NRIP2: variants seen among roughly 807,000 people sequenced by gnomAD.
NRIP2 encodes the protein nuclear receptor-interacting protein 2.
In NRIP2, 27 loss-of-function variants were observed where a neutral mutation model predicts 34.1. The observed-to-expected ratio is 0.79, with a 90% confidence interval of 0.58 to 1.09. NRIP2 has a LOEUF of 1.09. Ranked by LOEUF, NRIP2 falls within the 50% of genes least tolerant of loss-of-function variation. NRIP2 has a pLI of 0.00. For synonymous variants in NRIP2, 145 were observed against 146.9 expected, an observed-to-expected ratio of 0.99 and a Z score of 0.09; for missense variants, 385 against 352.6, an observed-to-expected ratio of 1.09 and a Z score of -0.74.
Position 2,834,647 on chromosome 12 carries a change from C to A in NRIP2, c.337G>T (p.Asp113Tyr). Residue 113 changes from aspartate (D) to tyrosine (Y), a missense_variant, in exon 1 of 6, where the codon GAC becomes TAC. Coordinates refer to ENST00000337508, the MANE Select transcript of NRIP2 (RefSeq NM_031474.3). Reference protein sequence around the residue: ...DSLKRLGTSKDLQPRSVIQRR... With the variant: ...DSLKRLGTSKYLQPRSVIQRR... ...GGGGAGGGGTGATGCCTCACCAAGT[C>A]CTTGGAGGTGCCGAGCCTCTTGAGG... 1 of 1,594,768 alleles carries A rather than the reference C, an allele frequency of 6.3e-7. No homozygotes were observed. The highest frequency in any genetic ancestry group is 8.5e-7 in the Non-Finnish European group (1 of 1,170,242).
chr12:2,827,784 G>A lies in NRIP2; in HGVS notation c.701-107C>T, dbSNP rs1210536582. 2.5e-6 allele frequency: 4 copies of A among 1,605,904 alleles called. No individual in the cohort carries two copies. The highest frequency in any genetic ancestry group is 3.4e-6 in the Non-Finnish European group (4 of 1,176,554). ...CTGCCCACCCCATCCCCAGATCCGA[G>A]GACACTGGCACAGAGATGGGGGATA... On this transcript the variant is annotated intron_variant, in intron 4 of 5. Transcript: ENST00000337508. The surrounding 1 kb of genome is among the most constrained non-coding windows in gnomAD (Gnocchi z 4.0).
In NRIP2 at chr12:2,827,464, T is replaced by C. The variant is rs12814675; in HGVS notation, c.753+161A>G. On this transcript the variant is annotated intron_variant, in intron 5 of 5. Coordinates refer to ENST00000337508, the MANE Select transcript of NRIP2 (RefSeq NM_031474.3). The surrounding 1 kb of genome is among the most constrained non-coding windows in gnomAD (Gnocchi z 4.0). Reference sequence around the variant, plus strand: ...TGTTGAAGGGGGTGACCCAGTTCTCTTGATTTTTCACTTGGTGGTAAGTAA... The same window carrying C: ...TGTTGAAGGGGGTGACCCAGTTCTCCTGATTTTTCACTTGGTGGTAAGTAA... The C allele has an allele frequency of 0.045, 44,533 of 985,382 alleles. 1,412 individuals carry two copies. Among genetic ancestry groups the C allele is most frequent in the East Asian group, 0.29 (2,526 of 8,790 alleles). The allele number at this position is 985,382 out of a possible 1,614,324, so 61.0% of individuals were successfully genotyped here. A position where few individuals can be genotyped will look rare whatever the true frequency, so the allele number is the denominator to read the frequency against.
intron 2 of NRIP2, among the ~76,000 whole-genome samples, chr12:2,829,533 G>A (rs1215941525): frequency 6.6e-6 from 1 of 152,130 alleles, no homozygotes; most frequent in Non-Finnish European, 1.5e-5. Context: ...AAGCACTTTG[G>A]GAGGCCAAGG....
At chr12:2,830,572 G>A (rs2097996388) in intron 2 of NRIP2, 136 bp downstream of exon 2, 3 of 913,700 alleles carry the variant, frequency 3.3e-6, no homozygotes, top group Non-Finnish European at 3.3e-6. Flanking sequence ...GAGGATCCTG[G>A]TTAGGTCCAG....
In NRIP2 at chr12:2,827,323, C is replaced by G; in HGVS notation, c.754-24G>C. The G allele has an allele frequency of 6.2e-7, 1 of 1,602,968 alleles. No individual in the cohort carries two copies. Among genetic ancestry groups the G allele is most frequent in the South Asian group, 1.1e-5 (1 of 89,760 alleles). ...CACTGCGGGGTGTAGAGCAGTCATG[C>G]CAGGTCACCTCAGCCCGCCACCTGC... On this transcript the variant is annotated intron_variant, in intron 5 of 5. Transcript: ENST00000337508. The surrounding 1 kb of genome is among the most constrained non-coding windows in gnomAD (Gnocchi z 4.0).
chr12:2,830,784 T>A lies in NRIP2; in HGVS notation c.419A>T (p.Gln140Leu). The A allele has an allele frequency of 6.2e-7, 1 of 1,613,968 alleles. No individual in the cohort carries two copies. Among genetic ancestry groups the A allele is most frequent in the Non-Finnish European group, 8.5e-7 (1 of 1,179,936 alleles). Residue 140 changes from glutamine (Q) to leucine (L), a missense_variant, in exon 2 of 6, where the codon CAG (glutamine) becomes CTG (leucine). By Grantham distance (113) the Gln-to-Leu change is moderately radical. Coordinates refer to ENST00000337508, the MANE Select transcript of NRIP2 (RefSeq NM_031474.3). ...GCTCTCCTGGCCATGAATCAGGTCC[T>A]GCATCCGGGGAGGCTCCCCCTGAAG... ...NWLQGEPPRM[Q>L]DLIHGQESRR...
At position 2,828,036 on chromosome 12, in the gene NRIP2, CT is replaced by C; in HGVS notation, c.589del (p.Arg197GlyfsTer3). 6.2e-7 allele frequency: 1 copy of C among 1,613,696 alleles called. No homozygotes were observed. The highest frequency in any genetic ancestry group is 8.5e-7 in the Non-Finnish European group (1 of 1,179,820). On this transcript the variant is annotated frameshift_variant, in exon 4 of 6. Coordinates refer to ENST00000337508, the MANE Select transcript of NRIP2 (RefSeq NM_031474.3). LOFTEE classifies it high-confidence loss of function. The stretch of plus-strand genomic sequence containing the variant: ...GTCCCCAGCTGAGGCTTTTAGGACC[CT>C]TTTCTCTAACCTGTGGTTGGGAAGC... ...GCLSRLGLEK[R>X]VLKASAGDLA...
In NRIP2 at chr12:2,827,029, G is replaced by C; in HGVS notation, c.*178C>G. On this transcript the variant is annotated 3_prime_UTR_variant, in exon 6 of 6. Coordinates refer to ENST00000337508, the MANE Select transcript of NRIP2 (RefSeq NM_031474.3). This position sits in a 1 kb window ranked among gnomAD's most constrained non-coding sequence, Gnocchi z 4.0. The stretch of plus-strand genomic sequence containing the variant: ...ACTCGTCCTGGGGAGTAGGACAGCT[G>C]CTGAGAAGCAGAGAGGAATGCGGCC... 1 of 1,441,936 alleles carries C rather than the reference G, an allele frequency of 6.9e-7. No homozygotes were observed. The highest frequency in any genetic ancestry group is 1.5e-5 in the South Asian group (1 of 67,838). 89.3% of individuals were successfully genotyped at this position (1,441,936 alleles called of 1,614,324 possible).
intron 1 of NRIP2, among the ~76,000 whole-genome samples, chr12:2,831,095 G>A (rs966071491): frequency 5.3e-5 from 8 of 152,072 alleles, no homozygotes; most frequent in Admixed American, 4.6e-4. Context: ...ATGGGAAGAG[G>A]AGAATGGTCC....
intron 2 of NRIP2, among the ~76,000 whole-genome samples, chr12:2,829,131 G>A (rs962780636): frequency 1.2e-4 from 18 of 152,158 alleles, no homozygotes; most frequent in Non-Finnish European, 2.4e-4. Context: ...TGATTTGTTT[G>A]TTTAGAGGAA....
At chr12:2,830,631 C>CAGA in intron 2 of NRIP2, 77 bp downstream of exon 2, 2 of 1,469,292 alleles carry the variant, frequency 1.4e-6, no homozygotes, top group Admixed American at 2.1e-5. Flanking sequence ...CCCATCAGGG[C>CAGA]AGAGCAGAAA....
chr12:2,832,151 A>G (rs1453634783), intron 1 of NRIP2, among the ~76,000 whole-genome samples: 2 of 152,186 alleles, frequency 1.3e-5, no homozygotes, highest in African/African-American at 4.8e-5. Context: ...TCATTGTGAC[A>G]AGATCCCCAG....
In NRIP2 at chr12:2,826,088, T is replaced by G. The variant is rs1034125971; in HGVS notation, c.*1119A>C. 3.9e-5 allele frequency: 6 copies of G among 152,046 alleles called. No individual in the cohort carries two copies. Among genetic ancestry groups the G allele is most frequent in the Admixed American group, 1.3e-4 (2 of 15,238 alleles). 9.4% of individuals were successfully genotyped at this position (152,046 alleles called of 1,614,324 possible). A position where few individuals can be genotyped will look rare whatever the true frequency, so the allele number is the denominator to read the frequency against. Reference sequence around the variant, plus strand: ...CTCTTTCTTTACTCCTAATCCATGATTTGAGAGACTCAAACCAGCCAGAAA... The same window carrying G: ...CTCTTTCTTTACTCCTAATCCATGAGTTGAGAGACTCAAACCAGCCAGAAA... On this transcript the variant is annotated 3_prime_UTR_variant, in exon 6 of 6. Transcript: ENST00000337508.
chr12:2,828,109 C>G, intron 3 of NRIP2, 62 bp from the exon 4 acceptor site: 1 of 1,456,264 alleles, frequency 6.9e-7, no homozygotes, highest in Non-Finnish European at 9.5e-7. Flanking sequence ...CCCCATTAAT[C>G]AGCAGGTGTC....
chr12:2,833,018 G>A (rs1201051773), intron 1 of NRIP2, among the ~76,000 whole-genome samples: 1 of 151,772 alleles, frequency 6.6e-6, no homozygotes, highest in Admixed American at 6.6e-5. Context: ...GGCCCCTCCC[G>A]CTGTTGTGCA....
At chr12:2,831,028 C>T in intron 1 of NRIP2, 168 bp from the exon 2 acceptor site, 1 of 571,792 alleles carries the variant, frequency 1.7e-6, no homozygotes, top group South Asian at 2.9e-5. Flanking sequence ...GAGTAAGCCC[C>T]AGTATCAAAT....
rs1007196251 is a variant in NRIP2, at chr12:2,827,038, C to G, written c.*169G>C. The G allele has an allele frequency of 2.7e-6, 4 of 1,456,126 alleles. No individual in the cohort carries two copies. The African/African-American group carries it at 4.3e-5, about 16-fold the overall frequency. The allele number at this position is 1,456,126 out of a possible 1,614,324, so 90.2% of individuals were successfully genotyped here. On this transcript the variant is annotated 3_prime_UTR_variant, in exon 6 of 6. Coordinates refer to ENST00000337508, the MANE Select transcript of NRIP2 (RefSeq NM_031474.3). This position sits in a 1 kb window ranked among gnomAD's most constrained non-coding sequence, Gnocchi z 4.0. Reference sequence around the variant, plus strand: ...GGGGAGTAGGACAGCTGCTGAGAAGCAGAGAGGAATGCGGCCAGCTGGGGA... The same window carrying G: ...GGGGAGTAGGACAGCTGCTGAGAAGGAGAGAGGAATGCGGCCAGCTGGGGA...
intron 1 of NRIP2, among the ~76,000 whole-genome samples, chr12:2,831,752 CTTTCTTTTCTTTCTT>C (rs546873669): frequency 2.0e-5 from 3 of 151,976 alleles, no homozygotes; most frequent in Non-Finnish European, 4.4e-5. Context: ...TCTCTCTCTT[CTTTCTTTTCTTTCTT>C]TTTCTTTTCT....
chr12:2,834,657 G>A lies in NRIP2; in HGVS notation c.327C>T (p.Gly109=), dbSNP rs2098019280. Residue 109 remains glycine (G), a synonymous_variant, in exon 1 of 6, where the codon GGC becomes GGT. Coordinates refer to ENST00000337508, the MANE Select transcript of NRIP2 (RefSeq NM_031474.3). ...GATGCCTCACCAAGTCCTTGGAGGT[G>A]CCGAGCCTCTTGAGGCTGTCCAGCG... is the stretch of plus-strand genomic sequence containing the variant. ...LLPLDSLKRL[G]TSKDLQPRSV... The A allele has an allele frequency of 1.9e-6, 3 of 1,600,600 alleles. No homozygotes were observed. Among genetic ancestry groups the A allele is most frequent in the Non-Finnish European group, 2.6e-6 (3 of 1,172,916 alleles).
Sources: allele counts gnomAD v4.1 joint callset (sites outside exome capture counted in the v4.1 genomes callset), GRCh38; gene constraint gnomAD v4.1.1; non-coding constraint Gnocchi (gnomAD v3.1); transcripts MANE v1.5; gene names NCBI Gene and HGNC (gene_info 2026-07-23, HGNC 2026-07-21).